Variants in ENTHD1 observed in about 807,000 individuals in gnomAD.
The protein encoded by ENTHD1 is ENTH domain containing 1.
ENTHD1 carries 23 observed loss-of-function variants against 39.1 expected under a neutral mutation model. That is an observed-to-expected ratio of 0.59 (90% CI 0.42 to 0.83). ENTHD1 has a LOEUF of 0.83. Among genes scored for constraint, ENTHD1 ranks in the 40% least tolerant of loss-of-function variants. ENTHD1 has a pLI of 0.00. For synonymous variants in ENTHD1, 230 were observed against 258.2 expected, an observed-to-expected ratio of 0.89 and a Z score of 1.05; for missense variants, 624 against 705.4, an observed-to-expected ratio of 0.88 and a Z score of 1.31.
intron 5 of ENTHD1, among the ~76,000 whole-genome samples, chr22:39,819,858 G>A (rs1323249323): frequency 6.6e-6 from 1 of 152,156 alleles, no homozygotes. Context: ...ACCTAAAACT[G>A]CTCTAAAACA....
At chr22:39,755,365 G>T (rs750389309) in intron 6 of ENTHD1, among the ~76,000 whole-genome samples, 2 of 152,116 alleles carry the variant, frequency 1.3e-5, no homozygotes, top group Non-Finnish European at 2.9e-5. Context: ...TGGTCAGAGG[G>T]AACAACCGTG....
intron 6 of ENTHD1, among the ~76,000 whole-genome samples, chr22:39,763,129 G>T (rs1209286847): frequency 6.6e-6 from 1 of 152,154 alleles, no homozygotes; most frequent in African/African-American, 2.4e-5. Flanking sequence ...TACTCCTAGA[G>T]TATAGTCCTG....
At chr22:39,844,933 C>G (rs1449422165) in intron 3 of ENTHD1, among the ~76,000 whole-genome samples, 5 of 152,118 alleles carry the variant, frequency 3.3e-5, no homozygotes, top group African/African-American at 1.2e-4. Context: ...GGCATCTCTC[C>G]CCCACAGGAA....
intron 5 of ENTHD1, among the ~76,000 whole-genome samples, chr22:39,800,646 T>C (rs2065591498): frequency 6.6e-6 from 1 of 152,232 alleles, no homozygotes; most frequent in African/African-American, 2.4e-5. Context: ...AGCATTTGCC[T>C]TCAGGCAAAC....
At chr22:39,848,226 ACT>A (rs772612338) in intron 3 of ENTHD1, among the ~76,000 whole-genome samples, 6 of 148,982 alleles carry the variant, frequency 4.0e-5, no homozygotes, top group Non-Finnish European at 9.0e-5. Context: ...GCTAGAGAAA[ACT>A]CTCTGCTTTT....
intron 6 of ENTHD1, chr22:39,750,469 G>C (rs1458362521): frequency 6.5e-6 from 1 of 154,684 alleles, no homozygotes; most frequent in Non-Finnish European, 1.5e-5. Context: ...CAACAAACCA[G>C]TGAAAAATGA....
At chr22:39,847,790 T>G (rs1282652919) in intron 3 of ENTHD1, among the ~76,000 whole-genome samples, 1 of 152,228 alleles carries the variant, frequency 6.6e-6, no homozygotes, top group East Asian at 1.9e-4. Context: ...AATACAGTTT[T>G]ATTAGTTTTC....
chr22:39,830,595 G>C (rs2065861634), intron 4 of ENTHD1, among the ~76,000 whole-genome samples: 1 of 152,118 alleles, frequency 6.6e-6, no homozygotes, highest in African/African-American at 2.4e-5. Context: ...AGCACTCTGA[G>C]CACAAGACTA....
intron 5 of ENTHD1, among the ~76,000 whole-genome samples, chr22:39,799,803 G>A (rs1021777736): frequency 3.3e-5 from 5 of 152,204 alleles, no homozygotes; most frequent in African/African-American, 1.2e-4. Flanking sequence ...GCATTCGGTT[G>A]TCTCCTGTCT....
At chr22:39,782,570 C>G (rs990906203) in intron 5 of ENTHD1, among the ~76,000 whole-genome samples, 3 of 152,076 alleles carry the variant, frequency 2.0e-5, no homozygotes, top group Non-Finnish European at 4.4e-5. Context: ...TAACAAAATA[C>G]TAATAAACCC....
chr22:39,819,361 T>C (rs1035994041), intron 5 of ENTHD1, among the ~76,000 whole-genome samples: 1 of 144,630 alleles, frequency 6.9e-6, no homozygotes, highest in African/African-American at 2.6e-5. Flanking sequence ...CGAGACTCTG[T>C]CTCAAAACAA....
In ENTHD1 at chr22:39,861,985, A is replaced by G. The variant is rs1296538783; in HGVS notation, c.372T>C (p.Ser124=). 1 of 1,498,426 alleles carries G rather than the reference A, an allele frequency of 6.7e-7. No homozygotes were observed. Among genetic ancestry groups the G allele is most frequent in the Non-Finnish European group, 9.0e-7 (1 of 1,107,120 alleles). 92.8% of individuals were successfully genotyped at this position (1,498,426 alleles called of 1,614,324 possible). The change falls in exon 3 of 7, where the codon TCT becomes TCC. Residue 124 remains serine, a synonymous_variant. Transcript: ENST00000325157. ...KDQGYYIREK[S]KQVITLLMDE... ...CCATCAGCAATGTGATGACTTGCTT[A>G]GATTTTTCCCGGATATAATAACCTG... is the stretch of plus-strand genomic sequence containing the variant.
intron 5 of ENTHD1, among the ~76,000 whole-genome samples, chr22:39,820,430 T>C (rs1320640906): frequency 6.6e-6 from 1 of 152,188 alleles, no homozygotes; most frequent in African/African-American, 2.4e-5. Flanking sequence ...GAAGAATGCA[T>C]TGAAAATTGA....
chr22:39,802,635 T>A (rs2065607982), intron 5 of ENTHD1, among the ~76,000 whole-genome samples: 1 of 152,206 alleles, frequency 6.6e-6, no homozygotes, highest in Non-Finnish European at 1.5e-5. Context: ...CTAGTTGCTA[T>A]GGCCTGCCTT....
At chr22:39,829,740 G>A (rs1214882119) in intron 4 of ENTHD1, among the ~76,000 whole-genome samples, 3 of 151,742 alleles carry the variant, frequency 2.0e-5, no homozygotes, top group East Asian at 3.9e-4. Flanking sequence ...GAAGTGAGCC[G>A]AGATCATGCC....
Position 39,744,290 on chromosome 22 carries a change from T to C in ENTHD1, c.1220-7A>G. On this transcript the variant is annotated splice_region_variant and splice_polypyrimidine_tract_variant and intron_variant, in intron 6 of 6. Coordinates refer to ENST00000325157, the MANE Select transcript of ENTHD1 (RefSeq NM_152512.4). Reference sequence around the variant, plus strand: ...CCCTCAGAAGCAGTTGAAACTAAAATGTGTAAATGAGAGAAAAAAGATTTA... The same window carrying C: ...CCCTCAGAAGCAGTTGAAACTAAAACGTGTAAATGAGAGAAAAAAGATTTA... The C allele has an allele frequency of 6.4e-7, 1 of 1,569,488 alleles. No individual in the cohort carries two copies. The highest frequency in any genetic ancestry group is 8.6e-7 in the Non-Finnish European group (1 of 1,163,022).
intron 5 of ENTHD1, among the ~76,000 whole-genome samples, chr22:39,785,058 T>C (rs1357648213): frequency 6.6e-6 from 1 of 152,188 alleles, no homozygotes; most frequent in Non-Finnish European, 1.5e-5. Flanking sequence ...ATATTTATTA[T>C]ATATCAATTA....
At chr22:39,764,503 A>G (rs139559325) in intron 6 of ENTHD1, among the ~76,000 whole-genome samples, 1,941 of 152,252 alleles carry the variant, frequency 0.013, 76 homozygotes, top group Admixed American at 0.086. Flanking sequence ...TTATATTTAT[A>G]TGAGTTGGTT....
At position 39,775,006 on chromosome 22, in the gene ENTHD1, A is replaced by G. The variant is rs75009422; in HGVS notation, c.833-9397T>C. Among the ~76,000 whole-genome samples the G allele has an allele frequency of 2.0e-3, 312 of 152,308 alleles. 1 individual carries two copies. The highest frequency in any genetic ancestry group is 7.4e-3 in the African/African-American group (308 of 41,566). The stretch of plus-strand genomic sequence containing the variant: ...AAATGGTTTCATTCTTCAAGGTCTC[A>G]TTCAAACACAACCTCCTTAGTGAAA... On this transcript the variant is annotated intron_variant, in intron 5 of 6. Transcript: ENST00000325157.
Sources: gnomAD v4.1 joint callset for allele counts (sites outside exome capture counted in the v4.1 genomes callset) on GRCh38, gnomAD v4.1.1 for gene constraint, MANE v1.5 for transcripts, NCBI Gene and HGNC (gene_info 2026-07-23, HGNC 2026-07-21) for gene names.